MTMR8: variants seen among roughly 807,000 people sequenced by gnomAD.
MTMR8 encodes myotubularin related protein 8, also known as phosphatidylinositol-3,5-bisphosphate 3-phosphatase MTMR8.
In MTMR8, 65 loss-of-function variants were observed where a neutral mutation model predicts 39.3. The ratio of observed to expected loss-of-function variants is 1.65; its 90% CI spans 1.35 to 2.03. MTMR8 has a LOEUF of 2.03. Ranked by LOEUF, MTMR8 falls within the 30% of genes most tolerant of loss-of-function variation. The pLI is 0.00. For synonymous variants in MTMR8, 245 were observed against 185.2 expected (o/e 1.32, Z -2.62); for missense variants, 777 against 538.9 (o/e 1.44, Z -4.37).
At chrX:64,274,031 A>G (rs1163027115) in intron 12 of MTMR8, among the ~76,000 whole-genome samples, 1 of 112,011 alleles carries the variant, frequency 8.9e-6, no homozygotes, top group African/African-American at 3.2e-5. Context: ...CTCTACTTTC[A>G]ATTATGGATA....
At chrX:64,363,063 G>A (rs1348781017) in intron 1 of MTMR8, among the ~76,000 whole-genome samples, 1 of 111,725 alleles carries the variant, frequency 9.0e-6, no homozygotes, top group Non-Finnish European at 1.9e-5. Flanking sequence ...AAACTAGACA[G>A]CTAGAAGATG....
intron 12 of MTMR8, among the ~76,000 whole-genome samples, chrX:64,308,146 T>TATA (rs906186478): frequency 4.6e-5 from 5 of 109,420 alleles, no homozygotes; most frequent in African/African-American, 1.0e-4. Flanking sequence ...AAACTTAAAG[T>TATA]ATAATAATAA....
chrX:64,373,667 G>A (rs890024304), intron 1 of MTMR8, among the ~76,000 whole-genome samples: 9 of 111,123 alleles, frequency 8.1e-5, no homozygotes, highest in African/African-American at 2.9e-4. Flanking sequence ...GGGAGAGGAA[G>A]GGAACTGAAA....
At position 64,341,510 on chromosome X, in the gene MTMR8, G is replaced by A. The variant is rs1384926142; in HGVS notation, c.975+2101C>T. ...AAAAAAAAAAAAAAAAAAAGAGTAT[G>A]CACAGTATGAGCTCATTTTCACAAA... On this transcript the variant is annotated intron_variant, in intron 8 of 13. Transcript: ENST00000374852. Among the ~76,000 whole-genome samples, 3 of 105,934 alleles carry A rather than the reference G, an allele frequency of 2.8e-5. 1 individual carries two copies. The highest frequency in any genetic ancestry group is 5.8e-5 in the Non-Finnish European group (3 of 51,790). The allele number at this position is 105,934 out of a possible 115,157, so 92.0% of individuals were successfully genotyped here.
At chrX:64,303,568 G>T (rs868470770) in intron 12 of MTMR8, among the ~76,000 whole-genome samples, 2 of 112,204 alleles carry the variant, frequency 1.8e-5, no homozygotes, top group Non-Finnish European at 1.9e-5. Flanking sequence ...TGTGCTCAAA[G>T]GGGAAGGCAC....
At chrX:64,289,035 A>G (rs1921305391) in intron 12 of MTMR8, among the ~76,000 whole-genome samples, 2 of 109,982 alleles carry the variant, frequency 1.8e-5, no homozygotes, top group Non-Finnish European at 3.8e-5. Flanking sequence ...ATATATATAT[A>G]AATATCCAGA....
chrX:64,371,067 GGAT>G (rs1924119677), intron 1 of MTMR8, among the ~76,000 whole-genome samples: 1 of 111,747 alleles, frequency 8.9e-6, no homozygotes, highest in East Asian at 2.8e-4. Context: ...TGAATCAGAA[GGAT>G]CACTTGAACT....
At chrX:64,339,721 A>G (rs1176052759) in intron 8 of MTMR8, among the ~76,000 whole-genome samples, 1 of 111,434 alleles carries the variant, frequency 9.0e-6, no homozygotes, top group Non-Finnish European at 1.9e-5. Context: ...TTAAAGTAGG[A>G]AGAGATGGAA....
chrX:64,272,379 A>G (rs1251497204), intron 12 of MTMR8, among the ~76,000 whole-genome samples: 1 of 111,722 alleles, frequency 9.0e-6, no homozygotes, highest in Non-Finnish European at 1.9e-5. Context: ...GAAGAATACA[A>G]TAACTGAAGA....
chrX:64,335,979 C>A (rs917259756), intron 10 of MTMR8, 100 bp downstream of exon 10: 23 of 569,088 alleles, frequency 4.0e-5, no homozygotes, highest in Non-Finnish European at 5.7e-5. Context: ...CCATGTTCAA[C>A]TTCCTCTTCC....
chrX:64,302,130 C>G (rs1381753392), intron 12 of MTMR8, among the ~76,000 whole-genome samples: 1 of 112,861 alleles, frequency 8.9e-6, no homozygotes, highest in Non-Finnish European at 1.9e-5. Flanking sequence ...TTTACCTGAG[C>G]AAGCCTGGGC....
chrX:64,290,124 T>A (rs758279565), intron 12 of MTMR8, among the ~76,000 whole-genome samples: 26 of 110,662 alleles, frequency 2.3e-4, no homozygotes, highest in Middle Eastern at 4.6e-3. Context: ...ATCTAAAACC[T>A]AAAAAAGTGG....
intron 12 of MTMR8, among the ~76,000 whole-genome samples, chrX:64,309,700 G>C (rs1164006349): frequency 9.0e-6 from 1 of 111,706 alleles, no homozygotes; most frequent in Non-Finnish European, 1.9e-5. Context: ...TTCAGTTCCA[G>C]GCCACTGCAA....
In MTMR8 at chrX:64,271,012, C is replaced by T; in HGVS notation, c.1543G>A (p.Glu515Lys). The T allele has an allele frequency of 8.3e-7, 1 of 1,209,723 alleles. No individual in the cohort carries two copies. The highest frequency in any genetic ancestry group is 2.2e-5 in the Admixed American group (1 of 45,802). Residue 515 changes from glutamate (E) to lysine (K), a missense_variant, in exon 13 of 14, where the codon GAG becomes AAG. By Grantham distance (56) the Glu-to-Lys change is moderately conservative. Transcript: ENST00000374852. ...TGTTTCTTAATTTCCAGGAGGCTCT[C>T]TAGCATACTCTGCTTGGGCTGCAGC... The part of the protein sequence containing the change: ...KGLQPKQSML[E>K]SLLEIKKQRA...
intron 12 of MTMR8, among the ~76,000 whole-genome samples, chrX:64,275,520 GC>G (rs960153675): frequency 6.5e-5 from 7 of 108,150 alleles, no homozygotes; most frequent in African/African-American, 1.7e-4. Context: ...ACATAGAGAG[GC>G]CCCCATCGCT....
intron 12 of MTMR8, among the ~76,000 whole-genome samples, chrX:64,289,237 A>G (rs1054256288): frequency 1.8e-4 from 20 of 110,849 alleles, no homozygotes; most frequent in Non-Finnish European, 3.6e-4. Context: ...TAGAATGGCT[A>G]CTATCCCAAT....
chrX:64,287,497 C>G (rs1277975523), intron 12 of MTMR8, among the ~76,000 whole-genome samples: 1 of 110,911 alleles, frequency 9.0e-6, no homozygotes. Context: ...AAAAAGAGCC[C>G]GCATTGCCAA....
At chrX:64,374,628 G>T (rs1442299883) in intron 1 of MTMR8, among the ~76,000 whole-genome samples, 1 of 111,650 alleles carries the variant, frequency 9.0e-6, no homozygotes, top group Non-Finnish European at 1.9e-5. Flanking sequence ...AAGTGAAAAA[G>T]GTTGCTGAAC....
chrX:64,318,127 G>A (rs1203806298), intron 12 of MTMR8, among the ~76,000 whole-genome samples: 1 of 112,194 alleles, frequency 8.9e-6, no homozygotes, highest in African/African-American at 3.2e-5. Flanking sequence ...CTTAGTGGAA[G>A]TCCAGACTTT....
Sources: allele counts gnomAD v4.1 joint callset (sites outside exome capture counted in the v4.1 genomes callset), GRCh38; gene constraint gnomAD v4.1.1; transcripts MANE v1.5; gene names NCBI Gene and HGNC (gene_info 2026-07-23, HGNC 2026-07-21).